The following EPHA6 variants were observed in gnomAD, a reference collection of about 807,000 sequenced individuals.
EPHA6 encodes ephrin type-A receptor 6.
EPHA6 carries 50 observed loss-of-function variants against 112.0 expected under a neutral mutation model. That is an observed-to-expected ratio of 0.45 (90% confidence interval 0.36 to 0.56). The LOEUF (loss-of-function observed/expected upper bound fraction) is 0.56, where lower values mean the gene tolerates loss of function less well. Ranked by LOEUF, EPHA6 falls within the 20% of genes least tolerant of loss-of-function variation. The pLI is 0.00. For synonymous variants in EPHA6, 529 were observed against 490.7 expected, an observed-to-expected ratio of 1.08 and a Z score of -1.03; for missense variants, 1,280 against 1,417.4, an observed-to-expected ratio of 0.90 and a Z score of 1.56.
intron 2 of EPHA6, among the ~76,000 whole-genome samples, chr3:96,906,597 T>C (rs2038946430): frequency 6.6e-6 from 1 of 152,092 alleles, no homozygotes; most frequent in Non-Finnish European, 1.5e-5. Flanking sequence ...AGAATATATT[T>C]GTGTCTCTGC....
chr3:97,098,652 AC>A (rs1250025073), intron 3 of EPHA6, among the ~76,000 whole-genome samples: 1 of 151,874 alleles, frequency 6.6e-6, no homozygotes, highest in Non-Finnish European at 1.5e-5. Context: ...TTTTTCAAAA[AC>A]CCTTATGACA....
chr3:97,688,723 TAA>T (rs200236239), intron 14 of EPHA6, among the ~76,000 whole-genome samples: 1 of 141,514 alleles, frequency 7.1e-6, no homozygotes, highest in Non-Finnish European at 1.6e-5. Flanking sequence ...TAAAGTATAA[TAA>T]AAAAAAAAAG....
intron 3 of EPHA6, among the ~76,000 whole-genome samples, chr3:97,152,454 A>C (rs1383943915): frequency 6.7e-6 from 1 of 149,688 alleles, no homozygotes; most frequent in African/African-American, 2.4e-5. Flanking sequence ...TAAATATTTT[A>C]TATTAGTAAT....
chr3:96,996,837 A>G (rs2043442371), intron 3 of EPHA6, among the ~76,000 whole-genome samples: 1 of 152,080 alleles, frequency 6.6e-6, no homozygotes, highest in South Asian at 2.1e-4. Flanking sequence ...CACAAGCTGC[A>G]TTAGGTCCTA....
chr3:97,148,598 T>C (rs1048853496), intron 3 of EPHA6, among the ~76,000 whole-genome samples: 3 of 152,118 alleles, frequency 2.0e-5, no homozygotes, highest in Non-Finnish European at 2.9e-5. Flanking sequence ...CGAATGCTTT[T>C]ATGATCACAC....
intron 3 of EPHA6, among the ~76,000 whole-genome samples, chr3:97,047,540 G>T (rs1294241956): frequency 1.3e-5 from 2 of 150,414 alleles, no homozygotes; most frequent in South Asian, 2.1e-4. Flanking sequence ...AAGAGAAGTG[G>T]AAATACTATC....
intron 5 of EPHA6, among the ~76,000 whole-genome samples, chr3:97,307,212 T>C (rs979097719): frequency 6.6e-6 from 1 of 151,736 alleles, no homozygotes; most frequent in Admixed American, 6.6e-5. Context: ...ATTTTCCTCA[T>C]CCCCGCCCAC....
intron 3 of EPHA6, among the ~76,000 whole-genome samples, chr3:97,096,807 G>A (rs1174390185): frequency 1.3e-5 from 2 of 151,694 alleles, no homozygotes; most frequent in South Asian, 2.1e-4. Flanking sequence ...CAATATAAGG[G>A]CTATAGTATA....
intron 11 of EPHA6, among the ~76,000 whole-genome samples, chr3:97,536,151 G>T (rs1452553580): frequency 6.6e-6 from 1 of 152,122 alleles, no homozygotes; most frequent in Non-Finnish European, 1.5e-5. Context: ...GGACAGACTT[G>T]TAGCCATTAA....
intron 3 of EPHA6, among the ~76,000 whole-genome samples, chr3:97,105,653 G>A (rs2108270302): frequency 6.6e-6 from 1 of 152,210 alleles, no homozygotes; most frequent in East Asian, 1.9e-4. Context: ...GAGTTCTGCA[G>A]AGGTCCATCA....
intron 4 of EPHA6, among the ~76,000 whole-genome samples, chr3:97,229,064 G>C (rs753149038): frequency 3.3e-5 from 5 of 152,030 alleles, no homozygotes; most frequent in Non-Finnish European, 7.4e-5. Context: ...TTTTTGATGG[G>C]ATTATTTGGT....
chr3:97,226,914 G>T (rs914741097), intron 4 of EPHA6, among the ~76,000 whole-genome samples: 26 of 152,204 alleles, frequency 1.7e-4, no homozygotes, highest in African/African-American at 5.5e-4. Context: ...AGGTATTTTT[G>T]AGTTTTTCCA....
intron 7 of EPHA6, among the ~76,000 whole-genome samples, chr3:97,462,588 G>A (rs1160000965): frequency 3.3e-5 from 5 of 152,152 alleles, no homozygotes; most frequent in East Asian, 3.9e-4. Flanking sequence ...CAACTTACCC[G>A]AAAACAAGCT....
rs763682996 is a variant in EPHA6 at position 96,994,759 on chromosome 3, A to AGAGAGAGAGAGAGAGAGAGAGAGC, written c.1114+6769_1114+6770insAGAGAGAGAGAGAGAGAGAGCGAG. ...GAGAGAGAGAGAGAGAGAGAGAGAG[A>AGAGAGAGAGAGAGAGAGAGAGAGC]GAGCTATATATATACCTACAGGCTG... is the stretch of plus-strand genomic sequence containing the variant. On this transcript the variant is annotated intron_variant, in intron 3 of 17. Transcript: ENST00000389672. Among the ~76,000 whole-genome samples the AGAGAGAGAGAGAGAGAGAGAGAGC allele has an allele frequency of 1.5e-3, 172 of 116,096 alleles. 3 individuals are homozygous for AGAGAGAGAGAGAGAGAGAGAGAGC. Among genetic ancestry groups the AGAGAGAGAGAGAGAGAGAGAGAGC allele is most frequent in the Middle Eastern group, 4.5e-3 (1 of 220 alleles). The allele number at this position is 116,096 out of a possible 152,430, so 76.2% of individuals were successfully genotyped here.
At chr3:97,712,157 T>C (rs2034000117) in intron 14 of EPHA6, among the ~76,000 whole-genome samples, 1 of 152,222 alleles carries the variant, frequency 6.6e-6, no homozygotes. Context: ...AAAAATAAAA[T>C]CCATTACTTT....
intron 3 of EPHA6, among the ~76,000 whole-genome samples, chr3:97,127,440 C>G (rs554962556): frequency 6.6e-6 from 1 of 152,238 alleles, no homozygotes; most frequent in East Asian, 1.9e-4. Context: ...AACTTCCCGG[C>G]TGGGCACTGT....
intron 3 of EPHA6, among the ~76,000 whole-genome samples, chr3:97,114,267 AC>A (rs1219705978): frequency 2.0e-5 from 3 of 151,602 alleles, no homozygotes; most frequent in African/African-American, 7.3e-5. Flanking sequence ...TAAAAATACA[AC>A]TGAACATTTT....
chr3:97,225,100 C>A (rs949965177), intron 3 of EPHA6, among the ~76,000 whole-genome samples: 1 of 152,132 alleles, frequency 6.6e-6, no homozygotes, highest in Non-Finnish European at 1.5e-5. Flanking sequence ...GGACTACAGG[C>A]GCCCGCCACC....
intron 3 of EPHA6, among the ~76,000 whole-genome samples, chr3:97,169,361 G>C (rs192915912): frequency 2.0e-4 from 31 of 152,278 alleles, no homozygotes; most frequent in Non-Finnish European, 3.7e-4. Flanking sequence ...TTGATTTCCT[G>C]TTCAATCTGG....
Sources: gnomAD v4.1 joint callset for allele counts (sites outside exome capture counted in the v4.1 genomes callset) on GRCh38, gnomAD v4.1.1 for gene constraint, MANE v1.5 for transcripts, NCBI Gene and HGNC (gene_info 2026-07-23, HGNC 2026-07-21) for gene names.